Variants in ARHGAP5 observed in about 807,000 individuals in gnomAD.
ARHGAP5 encodes rho GTPase-activating protein 5.
A neutral mutation model predicts 116.6 loss-of-function variants in ARHGAP5; 23 were observed. That is an observed-to-expected ratio of 0.20 (90% CI 0.14 to 0.28). The LOEUF (loss-of-function observed/expected upper bound fraction) is 0.28. Ranked by LOEUF, ARHGAP5 falls within the 10% of genes least tolerant of loss-of-function variation. The pLI is 1.00. For missense variants in ARHGAP5, 1,405 were observed against 1,774.8 expected (o/e 0.79, Z 3.74); for synonymous variants, 574 against 602.0 (o/e 0.95, Z 0.68).
rs1878276542 is a variant in ARHGAP5, at chr14:32,091,988, A to C, written c.1319A>C (p.Lys440Thr). The change falls in exon 2 of 7, where the codon AAA becomes ACA. Residue 440 changes from lysine (K) to threonine (T), a missense_variant. Physicochemically the swap from Lys to Thr is moderately conservative, Grantham distance 78. Coordinates refer to ENST00000345122, the MANE Select transcript of ARHGAP5 (RefSeq NM_001030055.2). ...MKEKFKKTLEKIQFISPGQPW... is the reference protein window; with the variant it reads ...MKEKFKKTLETIQFISPGQPW... Reference sequence around the variant, plus strand: ...GAAAAATTCAAAAAGACTTTGGAAAAAATTCAATTCATTTCACCAGGGCAG... The same window carrying C: ...GAAAAATTCAAAAAGACTTTGGAAACAATTCAATTCATTTCACCAGGGCAG... 2.5e-6 allele frequency: 4 copies of C among 1,613,598 alleles called. No individual in the cohort carries two copies. In the South Asian group the frequency reaches 4.4e-5, roughly 18 times the overall value.
intron 3 of ARHGAP5, among the ~76,000 whole-genome samples, chr14:32,127,025 T>G (rs1594375770): frequency 1.4e-5 from 2 of 147,120 alleles, no homozygotes; most frequent in East Asian, 4.0e-4. Context: ...TGAGGTAGAG[T>G]CTCACTCTGT....
chr14:32,100,079 ATACTT>A (rs1205902916), intron 2 of ARHGAP5, among the ~76,000 whole-genome samples: 3 of 152,238 alleles, frequency 2.0e-5, no homozygotes. Context: ...TCACAAAAGA[ATACTT>A]AACTTTATTG....
At chr14:32,111,559 G>A (rs941675246) in intron 2 of ARHGAP5, among the ~76,000 whole-genome samples, 7 of 152,118 alleles carry the variant, frequency 4.6e-5, no homozygotes, top group African/African-American at 1.2e-4. Context: ...AGGAATTGGC[G>A]ACATCTTCTA....
chr14:32,150,908 G>T (rs1210571284), intron 5 of ARHGAP5, among the ~76,000 whole-genome samples: 1 of 152,146 alleles, frequency 6.6e-6, no homozygotes, highest in Non-Finnish European at 1.5e-5. Context: ...GAGAACTAAA[G>T]TCTGTTTGGG....
At chr14:32,095,808 T>C (rs919937116) in intron 2 of ARHGAP5, among the ~76,000 whole-genome samples, 4 of 152,250 alleles carry the variant, frequency 2.6e-5, no homozygotes, top group Non-Finnish European at 4.4e-5. Flanking sequence ...TAACCTGTTA[T>C]CACTAGTACC....
intron 2 of ARHGAP5, among the ~76,000 whole-genome samples, chr14:32,095,588 T>C (rs148094608): frequency 2.6e-5 from 4 of 152,198 alleles, no homozygotes; most frequent in East Asian, 1.9e-4. Context: ...TAATTTTGTA[T>C]TTTTAGTAGG....
chr14:32,096,960 T>C (rs1484912585), intron 2 of ARHGAP5, among the ~76,000 whole-genome samples: 1 of 152,198 alleles, frequency 6.6e-6, no homozygotes, highest in African/African-American at 2.4e-5. Flanking sequence ...AAACCAAAGA[T>C]TTAAGAACTT....
chr14:32,096,618 C>A (rs1878539418), intron 2 of ARHGAP5, among the ~76,000 whole-genome samples: 1 of 152,110 alleles, frequency 6.6e-6, no homozygotes, highest in African/African-American at 2.4e-5. Flanking sequence ...TTTACCTAAA[C>A]AAATATGCTT....
chr14:32,110,604 G>A (rs1879244813), intron 2 of ARHGAP5, among the ~76,000 whole-genome samples: 1 of 152,146 alleles, frequency 6.6e-6, no homozygotes, highest in Non-Finnish European at 1.5e-5. Flanking sequence ...AAATGTAAAG[G>A]AGCGGAGTCC....
At chr14:32,079,036 T>C (rs913661579) in intron 1 of ARHGAP5, among the ~76,000 whole-genome samples, 3 of 152,206 alleles carry the variant, frequency 2.0e-5, no homozygotes, top group Non-Finnish European at 4.4e-5. Context: ...TTATCTGTAG[T>C]ACAAAGAGCG....
chr14:32,155,412 C>T lies in ARHGAP5; in HGVS notation c.*464C>T, dbSNP rs1242253091. ...GCAGTCGGTGTAGATAACTAAAAGCCCAGTTAAGTATTTTATAATTTCAGG... is the reference window on the plus strand; with the variant it reads ...GCAGTCGGTGTAGATAACTAAAAGCTCAGTTAAGTATTTTATAATTTCAGG... On this transcript the variant is annotated 3_prime_UTR_variant, in exon 7 of 7. Coordinates refer to ENST00000345122, the MANE Select transcript of ARHGAP5 (RefSeq NM_001030055.2). 1 of 153,398 alleles carries T rather than the reference C, an allele frequency of 6.5e-6. No individual in the cohort carries two copies. The highest frequency in any genetic ancestry group is 1.5e-5 in the Non-Finnish European group (1 of 68,700). The allele number at this position is 153,398 out of a possible 1,614,324, so 9.5% of individuals were successfully genotyped here. A position where few individuals can be genotyped will look rare whatever the true frequency, so the allele number is the denominator to read the frequency against.
chr14:32,141,615 A>G (rs113810427), intron 3 of ARHGAP5, among the ~76,000 whole-genome samples: 3,124 of 152,268 alleles, frequency 0.021, 119 homozygotes, highest in African/African-American at 0.071. Context: ...TATGGCTTCA[A>G]GTTACTGTCT....
intron 3 of ARHGAP5, among the ~76,000 whole-genome samples, chr14:32,131,582 T>C (rs1027556317): frequency 6.6e-6 from 1 of 152,190 alleles, no homozygotes; most frequent in Non-Finnish European, 1.5e-5. Context: ...TTTTTGTTTT[T>C]TGTTTTTTGT....
intron 3 of ARHGAP5, among the ~76,000 whole-genome samples, chr14:32,126,473 A>G (rs1298184203): frequency 1.3e-5 from 2 of 152,184 alleles, no homozygotes; most frequent in African/African-American, 4.8e-5. Flanking sequence ...TCATAAGGAC[A>G]TCAGTCATAT....
Position 32,155,065 on chromosome 14 carries a change from A to G in ARHGAP5, c.*117A>G. 2.2e-6 allele frequency: 2 copies of G among 896,096 alleles called. No homozygotes were observed. The highest frequency in any genetic ancestry group is 3.3e-6 in the Non-Finnish European group (2 of 604,400). The allele number at this position is 896,096 out of a possible 1,614,324, so 55.5% of individuals were successfully genotyped here. A position where few individuals can be genotyped will look rare whatever the true frequency, so the allele number is the denominator to read the frequency against. ...ACAGATAATTCACATTCAAAATTAC[A>G]TTTTCTCTTTGAACTAGATGGTATT... On this transcript the variant is annotated 3_prime_UTR_variant, in exon 7 of 7. Coordinates refer to ENST00000345122, the MANE Select transcript of ARHGAP5 (RefSeq NM_001030055.2).
Position 32,077,343 on chromosome 14 carries a change from G to A in ARHGAP5, c.-261G>A. 2.9e-6 allele frequency: 2 copies of A among 697,040 alleles called. No homozygotes were observed. The highest frequency in any genetic ancestry group is 3.0e-5 in the South Asian group (2 of 67,264). The allele number at this position is 697,040 out of a possible 1,614,324, so 43.2% of individuals were successfully genotyped here. On this transcript the variant is annotated 5_prime_UTR_variant, in exon 1 of 7. Coordinates refer to ENST00000345122, the MANE Select transcript of ARHGAP5 (RefSeq NM_001030055.2). ...AGCGGAGAGTGGAGGAGGAGGCGGC[G>A]GCGGCGGGAGCGGTCCCCAGGAATG...
intron 1 of ARHGAP5, among the ~76,000 whole-genome samples, chr14:32,080,094 T>C (rs1201147527): frequency 1.3e-5 from 2 of 152,012 alleles, no homozygotes; most frequent in Non-Finnish European, 2.9e-5. Context: ...TTTATTGAAA[T>C]AGGAAAAACC....
chr14:32,146,514 A>C (rs910821443), intron 4 of ARHGAP5, among the ~76,000 whole-genome samples, 174 bp downstream of exon 4: 2 of 152,228 alleles, frequency 1.3e-5, no homozygotes, highest in South Asian at 2.1e-4. Flanking sequence ...CAGTAAAGGT[A>C]CAAAACAGCT....
At chr14:32,111,409 C>G (rs2139056525) in intron 2 of ARHGAP5, among the ~76,000 whole-genome samples, 1 of 151,974 alleles carries the variant, frequency 6.6e-6, no homozygotes, top group South Asian at 2.1e-4. Flanking sequence ...AGTGAAGAGA[C>G]TGACTGCTGA....
Sources: allele counts gnomAD v4.1 joint callset (sites outside exome capture counted in the v4.1 genomes callset), GRCh38; gene constraint gnomAD v4.1.1; transcripts MANE v1.5; gene names NCBI Gene and HGNC (gene_info 2026-07-23, HGNC 2026-07-21).